The following ZNF221 variants were observed in gnomAD, a reference collection of about 807,000 sequenced individuals.
ZNF221 encodes the protein zinc finger protein 221.
In ZNF221, 10 loss-of-function variants were observed where a neutral mutation model predicts 12.6. The ratio of observed to expected loss-of-function variants is 0.79; its 90% CI spans 0.49 to 1.34. ZNF221 has a LOEUF of 1.34. Ranked by LOEUF, ZNF221 falls within the 40% of genes most tolerant of loss-of-function variation. ZNF221 has a pLI of 0.00. For missense variants in ZNF221, 661 were observed against 721.4 expected, an observed-to-expected ratio of 0.92 and a Z score of 0.96; for synonymous variants, 232 against 244.0, an observed-to-expected ratio of 0.95 and a Z score of 0.46.
chr19:43,980,408 G>A, the ZNF221 span, among the ~76,000 whole-genome samples: 7 of 152,138 alleles, frequency 4.6e-5, no homozygotes, highest in South Asian at 4.1e-4. Context: ...ACGCTGGTAC[G>A]TTGCAGAGTG....
rs748041528 is a variant in ZNF221, at chr19:43,965,845, G to A, written c.343G>A (p.Gly115Arg). Reference protein sequence around the residue: ...QIEMETVPEAGPHEEWSCQQI... With the variant: ...QIEMETVPEARPHEEWSCQQI... ...TGAGATGGAGACTGTTCCAGAAGCA[G>A]GACCACATGAAGAGTGGTCCTGTCA... Residue 115 changes from glycine to arginine, a missense_variant, in exon 5 of 5, where the codon GGA becomes AGA. Gly to Arg is a moderately radical substitution (Grantham distance 125, BLOSUM62 -2). Coordinates refer to ENST00000587682, the MANE Select transcript of ZNF221 (RefSeq NM_001297588.2). 5.6e-6 allele frequency: 9 copies of A among 1,610,768 alleles called. No individual in the cohort carries two copies. The Admixed American group carries it at 1.5e-4, about 27-fold the overall frequency.
chr19:43,973,150 CAT>C, the ZNF221 span, among the ~76,000 whole-genome samples: 1 of 152,178 alleles, frequency 6.6e-6, no homozygotes, highest in Non-Finnish European at 1.5e-5. Flanking sequence ...ACAAAAATCA[CAT>C]GATTCTCTCA....
At chr19:43,974,277 A>G in the ZNF221 span, among the ~76,000 whole-genome samples, 362 of 152,314 alleles carry the variant, frequency 2.4e-3, no homozygotes, top group African/African-American at 8.3e-3. Context: ...TATGAAACCC[A>G]AAACTATAAA....
downstream of ZNF221, among the ~76,000 whole-genome samples, chr19:43,968,872 C>T (rs776534822): frequency 2.6e-5 from 4 of 152,172 alleles, no homozygotes; most frequent in African/African-American, 9.7e-5. Flanking sequence ...TTGCAACCCA[C>T]GGGTCAGGAG....
intron 1 of ZNF221, among the ~76,000 whole-genome samples, chr19:43,955,776 A>T (rs1974745682): frequency 1.3e-5 from 2 of 152,178 alleles, no homozygotes; most frequent in Admixed American, 6.5e-5. Context: ...CTTCCAAATC[A>T]TATGTTCATT....
At chr19:43,957,562 CT>C (rs1854996572) in intron 1 of ZNF221, among the ~76,000 whole-genome samples, 1 of 152,170 alleles carries the variant, frequency 6.6e-6, no homozygotes, top group African/African-American at 2.4e-5. Flanking sequence ...GATTTTCACC[CT>C]GTTGGAATGA....
chr19:43,960,272 G>A (rs1368716472), intron 1 of ZNF221: 2 of 152,186 alleles, frequency 1.3e-5, no homozygotes, highest in African/African-American at 4.8e-5. Context: ...TCAAGAAGTG[G>A]CCTGGCTGCC....
chr19:43,981,245 T>C, the ZNF221 span, among the ~76,000 whole-genome samples: 1 of 152,380 alleles, frequency 6.6e-6, no homozygotes, highest in African/African-American at 2.4e-5. Flanking sequence ...AATACACTTC[T>C]TACCATTTGA....
intron 1 of ZNF221, among the ~76,000 whole-genome samples, chr19:43,955,899 A>G (rs1974747079): frequency 6.6e-6 from 1 of 152,146 alleles, no homozygotes; most frequent in Non-Finnish European, 1.5e-5. Context: ...GACTCTGTAT[A>G]AACTATTTCC....
chr19:43,980,308 T>G, the ZNF221 span, among the ~76,000 whole-genome samples: 5 of 152,196 alleles, frequency 3.3e-5, no homozygotes, highest in African/African-American at 1.2e-4. Context: ...CCTAACAGAA[T>G]CACATCTCCC....
Position 43,966,202 on chromosome 19 carries a change from G to A in ZNF221, c.700G>A (p.Glu234Lys). 1 of 1,614,196 alleles carries A rather than the reference G, an allele frequency of 6.2e-7. No homozygotes were observed. The highest frequency in any genetic ancestry group is 8.5e-7 in the Non-Finnish European group (1 of 1,180,044). The change falls in exon 5 of 5, where the codon GAA becomes AAA. Residue 234 changes from glutamate (E) to lysine (K), a missense_variant. Coordinates refer to ENST00000587682, the MANE Select transcript of ZNF221 (RefSeq NM_001297588.2). The part of the protein sequence containing the change: ...KCYKCDVCGK[E>K]FNQSSHLQTH... ...CTATAAGTGTGATGTGTGTGGTAAG[G>A]AATTTAATCAGAGCTCACATCTGCA...
downstream of ZNF221, among the ~76,000 whole-genome samples, chr19:43,971,179 AT>A (rs1296463506): frequency 5.3e-5 from 8 of 152,232 alleles, no homozygotes; most frequent in Admixed American, 2.0e-4. Flanking sequence ...GTGCAAAGAA[AT>A]AAGATCCTTT....
At chr19:43,969,505 C>T (rs1322087762), downstream of ZNF221, among the ~76,000 whole-genome samples, 1 of 152,058 alleles carries the variant, frequency 6.6e-6, no homozygotes, top group East Asian at 1.9e-4. Flanking sequence ...GGTACCACCA[C>T]ACCTGGCTAA....
intron 1 of ZNF221, among the ~76,000 whole-genome samples, chr19:43,955,941 A>G (rs1974747497): frequency 6.6e-6 from 1 of 152,198 alleles, no homozygotes; most frequent in Non-Finnish European, 1.5e-5. Context: ...GGGCACTGCC[A>G]TCCCCATTAG....
At chr19:43,954,060 C>T (rs984149493) in intron 1 of ZNF221, among the ~76,000 whole-genome samples, 2 of 117,632 alleles carry the variant, frequency 1.7e-5, no homozygotes, top group African/African-American at 6.6e-5. Context: ...CCAGCCTGGG[C>T]GAGACAGAGT....
downstream of ZNF221, among the ~76,000 whole-genome samples, chr19:43,968,390 T>C (rs1208834914): frequency 6.6e-6 from 1 of 152,238 alleles, no homozygotes; most frequent in Admixed American, 6.5e-5. Flanking sequence ...GAATATAAGC[T>C]GCATTTACCT....
intron 2 of ZNF221, 64 bp from the exon 3 acceptor site, chr19:43,964,886 G>C (rs1042443522): frequency 6.8e-6 from 11 of 1,609,074 alleles, no homozygotes; most frequent in Non-Finnish European, 7.6e-6. Flanking sequence ...TGCCTACTTA[G>C]TGCCACCCTT....
rs1338408201 is a variant in ZNF221 at position 43,951,252 on chromosome 19, CTACGGCTGCGGGAGT to C, written c.-147_-133del. On this transcript the variant is annotated 5_prime_UTR_variant, in exon 1 of 5. Coordinates refer to ENST00000587682, the MANE Select transcript of ZNF221 (RefSeq NM_001297588.2). ...CAGACGCTCTGTGGAGTCGCGGGAG[CTACGGCTGCGGGAGT>C]TACCCTTTATTCTGTGATATTTTGA... 6.6e-6 allele frequency: 1 copy of C among 152,226 alleles called. No individual in the cohort carries two copies. The highest frequency in any genetic ancestry group is 1.9e-4 in the East Asian group (1 of 5,196). 9.4% of individuals were successfully genotyped at this position (152,226 alleles called of 1,614,324 possible). A position where few individuals can be genotyped will look rare whatever the true frequency, so the allele number is the denominator to read the frequency against.
chr19:43,959,685 A>G (rs528598649), intron 1 of ZNF221, among the ~76,000 whole-genome samples: 8 of 152,260 alleles, frequency 5.3e-5, no homozygotes, highest in African/African-American at 1.9e-4. Flanking sequence ...CATGAGTGAA[A>G]GCTCCCTGAG....
Sources: gnomAD v4.1 joint callset for allele counts (sites outside exome capture counted in the v4.1 genomes callset) on GRCh38, gnomAD v4.1.1 for gene constraint, MANE v1.5 for transcripts, NCBI Gene and HGNC (gene_info 2026-07-23, HGNC 2026-07-21) for gene names.